Variants in APOBEC4 observed in about 807,000 individuals in gnomAD.
The protein encoded by APOBEC4 is putative deaminase APOBEC-4.
For synonymous variants in APOBEC4, 141 were observed against 154.2 expected (o/e 0.91, Z 0.63); for missense variants, 375 against 441.2 (o/e 0.85, Z 1.34).
chr1:183,648,838 A>G, intron 1 of APOBEC4, 27 bp from the exon 2 acceptor site: 1 of 1,400,610 alleles, frequency 7.1e-7, no homozygotes, highest in Non-Finnish European at 9.7e-7. Context: ...AATTACATAT[A>G]AAACCAGCGC....
chr1:183,649,029 C>A (rs1288871806), intron 1 of APOBEC4, among the ~76,000 whole-genome samples: 1 of 152,214 alleles, frequency 6.6e-6, no homozygotes, highest in African/African-American at 2.4e-5. Flanking sequence ...TTACCTGTTT[C>A]ATAGATTCCA....
chr1:183,647,604 G>T lies in APOBEC4; in HGVS notation c.*74C>A. ...TCCATCTTGGCTCAGCCCTGAGAGA[G>T]AAAGTTTCCAGATTTTTATTGCCTA... On this transcript the variant is annotated 3_prime_UTR_variant, in exon 2 of 2. Transcript: ENST00000308641. 1 of 1,500,684 alleles carries T rather than the reference G, an allele frequency of 6.7e-7. No individual in the cohort carries two copies. Among genetic ancestry groups the T allele is most frequent in the Non-Finnish European group, 8.8e-7 (1 of 1,130,218 alleles). 93.0% of individuals were successfully genotyped at this position (1,500,684 alleles called of 1,614,324 possible).
At position 183,648,013 on chromosome 1, in the gene APOBEC4, C is replaced by G. The variant is rs1650430369; in HGVS notation, c.769G>C (p.Ala257Pro). ...TTGTTTAAGGGGTAGCTCTCTAAAG[C>G]CTCCTGAGCTTTTGTGTTTGGATTC... ...KRNPNTKAQE[A>P]LESYPLNNAF... The change falls in exon 2 of 2, where the codon GCT (alanine) becomes CCT (proline). Residue 257 changes from alanine (A) to proline (P), a missense_variant. Transcript: ENST00000308641. 3 of 1,614,204 alleles carry G rather than the reference C, an allele frequency of 1.9e-6. No homozygotes were observed. In the South Asian group the frequency reaches 3.3e-5, roughly 18 times the overall value.
intron 1 of APOBEC4, among the ~76,000 whole-genome samples, 155 bp from the exon 2 acceptor site, chr1:183,648,966 T>C (rs1433210892): frequency 2.0e-5 from 3 of 152,246 alleles, no homozygotes; most frequent in East Asian, 1.9e-4. Flanking sequence ...TTATTCTTTA[T>C]TGAGACTCCT....
chr1:183,649,425 C>T (rs1179446270), intron 1 of APOBEC4, among the ~76,000 whole-genome samples: 1 of 152,168 alleles, frequency 6.6e-6, no homozygotes, highest in Admixed American at 6.5e-5. Context: ...ATGTATTGTG[C>T]AGAACTATTC....
rs16861392 is a variant in APOBEC4 at position 183,648,236 on chromosome 1, C to T, written c.546G>A (p.Pro182=). 4.8e-3 allele frequency: 7,807 copies of T among 1,614,110 alleles called. 328 individuals carry two copies. The African/African-American group carries it at 0.093, about 19-fold the overall frequency. ...EALRSLASLW[P]RVVLSPISGG... is the part of the protein sequence containing the mutation. ...CACTTATTGGACTCAAAACAACCCGCGGCCATAAGCTGGCCAGGCTCCGGA... is the reference window on the plus strand; with the variant it reads ...CACTTATTGGACTCAAAACAACCCGTGGCCATAAGCTGGCCAGGCTCCGGA... Residue 182 remains proline, a synonymous_variant, in exon 2 of 2, where the codon CCG becomes CCA. Transcript: ENST00000308641.
At position 183,648,645 on chromosome 1, in the gene APOBEC4, G is replaced by A. The variant is rs763431906; in HGVS notation, c.137C>T (p.Thr46Ile). The A allele has an allele frequency of 1.3e-5, 21 of 1,614,234 alleles. No individual in the cohort carries two copies. The highest frequency in any genetic ancestry group is 1.7e-5 in the Admixed American group (1 of 60,026). Reference sequence around the variant, plus strand: ...GAATCCAAAAATCTGACAAAATTCTGTGAGGGAAACTCTTGCTTCTTCACC... The same window carrying A: ...GAATCCAAAAATCTGACAAAATTCTATGAGGGAAACTCTTGCTTCTTCACC... ...RTGEEARVSLTEFCQIFGFPY... is the reference protein window; with the variant it reads ...RTGEEARVSLIEFCQIFGFPY... Residue 46 changes from threonine to isoleucine, a missense_variant, in exon 2 of 2, where the codon ACA becomes ATA. By Grantham distance (89) the Thr-to-Ile change is moderately conservative. Transcript: ENST00000308641.
chr1:183,648,744 C>T lies in APOBEC4; in HGVS notation c.38G>A (p.Gly13Glu). 6.2e-7 allele frequency: 1 copy of T among 1,612,612 alleles called. No homozygotes were observed. Among genetic ancestry groups the T allele is most frequent in the South Asian group, 1.1e-5 (1 of 90,960 alleles). Reference protein sequence around the residue: ...PIYEEYLANHGTIVKPYYWLS... With the variant: ...PIYEEYLANHETIVKPYYWLS... ...CCAGTAATATGGTTTTACTATTGTT[C>T]CATGATTTGCTAGGTACTCCTCATA... Residue 13 changes from glycine to glutamate, a missense_variant, in exon 2 of 2, where the codon GGA becomes GAA. Gly to Glu is a moderately conservative substitution (Grantham distance 98, BLOSUM62 -2). Coordinates refer to ENST00000308641, the MANE Select transcript of APOBEC4 (RefSeq NM_203454.3).
rs1650450463 is a variant in APOBEC4 at position 183,648,210 on chromosome 1, C to T, written c.572G>A (p.Gly191Asp). Residue 191 changes from glycine (G) to aspartate (D), a missense_variant, in exon 2 of 2, where the codon GGT becomes GAT. Transcript: ENST00000308641. ...WPRVVLSPIS[G>D]GIWHSVLHSF... ...GTGGAGAACAGAATGCCAGATCCCA[C>T]CACTTATTGGACTCAAAACAACCCG... The T allele has an allele frequency of 6.2e-7, 1 of 1,614,184 alleles. No homozygotes were observed. Among genetic ancestry groups the T allele is most frequent in the East Asian group, 2.2e-5 (1 of 44,890 alleles).
rs1650515669 is a variant in APOBEC4, at chr1:183,648,897, A to G, written c.-30-86T>C. The G allele has an allele frequency of 6.1e-6, 5 of 825,028 alleles. No individual in the cohort carries two copies. In the Admixed American group the frequency reaches 1.3e-4, roughly 22 times the overall value. The allele number at this position is 825,028 out of a possible 1,614,324, so 51.1% of individuals were successfully genotyped here. ...TAATTTATTAAACCATACTTTCTTTAAAGGAAGTAGCACAATAAAGATAGT... is the reference window on the plus strand; with the variant it reads ...TAATTTATTAAACCATACTTTCTTTGAAGGAAGTAGCACAATAAAGATAGT... On this transcript the variant is annotated intron_variant, in intron 1 of 1. Transcript: ENST00000308641.
chr1:183,648,450 T>C lies in APOBEC4; in HGVS notation c.332A>G (p.Asn111Ser). The C allele has an allele frequency of 2.5e-6, 4 of 1,614,234 alleles. No homozygotes were observed. The highest frequency in any genetic ancestry group is 3.4e-6 in the Non-Finnish European group (4 of 1,180,042). Residue 111 changes from asparagine (N) to serine (S), a missense_variant, in exon 2 of 2, where the codon AAT becomes AGT. Coordinates refer to ENST00000308641, the MANE Select transcript of APOBEC4 (RefSeq NM_203454.3). ...AATGATATGCCTGATGCTGTCATTA[T>C]TGTATATGGCTGAGTCAAGATAACC... ...MNGYLDSAIY[N>S]NDSIRHIILY...
Position 183,648,388 on chromosome 1 carries a change from G to T in APOBEC4, c.394C>A (p.His132Asn). The T allele has an allele frequency of 6.2e-7, 1 of 1,614,188 alleles. No individual in the cohort carries two copies. Residue 132 changes from histidine to asparagine, a missense_variant, in exon 2 of 2, where the codon CAC becomes AAC. His to Asn is a moderately conservative substitution (Grantham distance 68). Coordinates refer to ENST00000308641, the MANE Select transcript of APOBEC4 (RefSeq NM_203454.3). ...SNNSPCNEAN[H>N]CCISKMYNFL... ...TTATACATTTTGCTGATGCAGCAGT[G>T]GTTAGCTTCATTACAAGGGGAGTTG... is the stretch of plus-strand genomic sequence containing the variant.
intron 1 of APOBEC4, among the ~76,000 whole-genome samples, chr1:183,649,045 G>A (rs887167388): frequency 1.2e-4 from 19 of 152,186 alleles, no homozygotes. Context: ...TTCCAAGTCA[G>A]TAAAGCAAAT....
chr1:183,647,547 T>A lies in APOBEC4; in HGVS notation c.*131A>T. On this transcript the variant is annotated 3_prime_UTR_variant, in exon 2 of 2. Coordinates refer to ENST00000308641, the MANE Select transcript of APOBEC4 (RefSeq NM_203454.3). ...TTATAATAGTTGATATGGTAAATAA[T>A]TCAAGGTTTGCTTTTAGTGCATCAG... The A allele has an allele frequency of 7.2e-7, 1 of 1,379,772 alleles. No homozygotes were observed. Among genetic ancestry groups the A allele is most frequent in the Non-Finnish European group, 9.6e-7 (1 of 1,043,504 alleles). The allele number at this position is 1,379,772 out of a possible 1,614,324, so 85.5% of individuals were successfully genotyped here. A position where few individuals can be genotyped will look rare whatever the true frequency, so the allele number is the denominator to read the frequency against.
At chr1:183,649,488 AG>A (rs1650560818) in intron 1 of APOBEC4, among the ~76,000 whole-genome samples, 7 of 152,076 alleles carry the variant, frequency 4.6e-5, no homozygotes, top group Non-Finnish European at 8.8e-5. Context: ...AATAATTTGG[AG>A]GTTTTTGGGT....
Position 183,647,871 on chromosome 1 carries a change from A to T in APOBEC4, c.911T>A (p.Met304Lys). The change falls in exon 2 of 2, where the codon ATG becomes AAG. Residue 304 changes from methionine (M) to lysine (K), a missense_variant. Physicochemically the swap from Met to Lys is moderately conservative, Grantham distance 95. Coordinates refer to ENST00000308641, the MANE Select transcript of APOBEC4 (RefSeq NM_203454.3). Reference sequence around the variant, plus strand: ...TTTATTTGGGTTTTGGCCCATATGCATTGGTGGTAAGTCCCTGAGAGGCAC... The same window carrying T: ...TTTATTTGGGTTTTGGCCCATATGCTTTGGTGGTAAGTCCCTGAGAGGCAC... ...VLVPLRDLPPMHMGQNPNKPR... is the reference protein window; with the variant it reads ...VLVPLRDLPPKHMGQNPNKPR... The T allele has an allele frequency of 6.2e-7, 1 of 1,614,064 alleles. No individual in the cohort carries two copies. The highest frequency in any genetic ancestry group is 8.5e-7 in the Non-Finnish European group (1 of 1,180,012).
intron 1 of APOBEC4, among the ~76,000 whole-genome samples, chr1:183,649,980 T>A (rs2101995759): frequency 6.6e-6 from 1 of 151,958 alleles, no homozygotes; most frequent in African/African-American, 2.4e-5. Flanking sequence ...CCCAGATAAT[T>A]TTTTTATTTT....
At chr1:183,651,043 C>T (rs16861402) in intron 1 of APOBEC4, among the ~76,000 whole-genome samples, 12,417 of 152,136 alleles carry the variant, frequency 0.082, 998 homozygotes, top group African/African-American at 0.21. Context: ...GCCACATTTG[C>T]TGCTAATATT....
At position 183,647,316 on chromosome 1, in the gene APOBEC4, G is replaced by A. The variant is rs569202616; in HGVS notation, c.*362C>T. 2.8e-4 allele frequency: 46 copies of A among 161,564 alleles called. No homozygotes were observed. Among genetic ancestry groups the A allele is most frequent in the Middle Eastern group, 3.0e-3 (1 of 332 alleles). The allele number at this position is 161,564 out of a possible 1,614,324, so 10.0% of individuals were successfully genotyped here. On this transcript the variant is annotated 3_prime_UTR_variant, in exon 2 of 2. Coordinates refer to ENST00000308641, the MANE Select transcript of APOBEC4 (RefSeq NM_203454.3). Reference sequence around the variant, plus strand: ...TCAATTTTACAGTAAATTTTTTACCGAAACAAATTTAGGTAGCTATTTTGT... The same window carrying A: ...TCAATTTTACAGTAAATTTTTTACCAAAACAAATTTAGGTAGCTATTTTGT...
Sources: gnomAD v4.1 joint callset for allele counts (sites outside exome capture counted in the v4.1 genomes callset) on GRCh38, gnomAD v4.1.1 for gene constraint, MANE v1.5 for transcripts, NCBI Gene and HGNC (gene_info 2026-07-23, HGNC 2026-07-21) for gene names.